Variants in ADGRA1 observed in about 807,000 individuals in gnomAD.
ADGRA1 encodes the protein adhesion G protein-coupled receptor A1.
ADGRA1 carries 12 observed loss-of-function variants against 21.3 expected under a neutral mutation model. That is an observed-to-expected ratio of 0.56 (90% CI 0.36 to 0.91). The LOEUF (loss-of-function observed/expected upper bound fraction) is 0.91, where lower values mean the gene tolerates loss of function less well. Ranked by LOEUF, ADGRA1 falls within the 40% of genes least tolerant of loss-of-function variation. The probability of loss-of-function intolerance (pLI) is 0.01; values close to 1 mark genes in which losing one functional copy is unlikely to be tolerated. For synonymous variants in ADGRA1, 385 were observed against 368.8 expected (o/e 1.04, Z -0.50); for missense variants, 790 against 805.6 (o/e 0.98, Z 0.23).
intron 5 of ADGRA1, among the ~76,000 whole-genome samples, chr10:133,126,583 G>A (rs564223909): frequency 6.6e-6 from 1 of 152,284 alleles, no homozygotes; most frequent in African/African-American, 2.4e-5. Flanking sequence ...AAGTGCACCC[G>A]GTCCGGGACA....
chr10:133,127,893 C>CCAGCT (rs1852411236), intron 6 of ADGRA1, among the ~76,000 whole-genome samples: 1 of 128,874 alleles, frequency 7.8e-6, no homozygotes, highest in African/African-American at 3.0e-5. Context: ...CCCCGCCCAC[C>CCAGCT]CCACGCTGGC....
chr10:133,092,042 T>G (rs1851604067), intron 2 of ADGRA1, among the ~76,000 whole-genome samples: 1 of 152,072 alleles, frequency 6.6e-6, no homozygotes, highest in African/African-American at 2.4e-5. Context: ...GACTCGGAGC[T>G]CTGAGTTGTT....
At chr10:133,127,110 T>A (rs1852389460) in intron 5 of ADGRA1, 123 bp from the exon 6 acceptor site, 1 of 564,782 alleles carries the variant, frequency 1.8e-6, no homozygotes, top group African/African-American at 2.0e-5. Flanking sequence ...GGGTTCTTGG[T>A]CTCCTCCTGC....
chr10:133,108,590 C>G (rs532478377), intron 5 of ADGRA1, among the ~76,000 whole-genome samples: 1 of 152,230 alleles, frequency 6.6e-6, no homozygotes, highest in East Asian at 1.9e-4. Context: ...CACCTTTGAC[C>G]AACATGGTGG....
chr10:133,095,803 C>T (rs778346974), intron 2 of ADGRA1: 1 of 1,596,182 alleles, frequency 6.3e-7, no homozygotes, highest in East Asian at 2.2e-5. Context: ...CTGCCCATGG[C>T]CCTTCCTGCA....
intron 5 of ADGRA1, among the ~76,000 whole-genome samples, chr10:133,112,017 A>G (rs77085481): frequency 0.12 from 2,720 of 22,548 alleles, 759 homozygotes; most frequent in African/African-American, 0.35. Flanking sequence ...TGCCCACCAC[A>G]GACACCTCCC....
chr10:133,092,912 G>A (rs1019567181), intron 2 of ADGRA1: 1 of 1,537,788 alleles, frequency 6.5e-7, no homozygotes, highest in African/African-American at 1.4e-5. Flanking sequence ...AGAAGGAGAA[G>A]GAGGACTGGA....
chr10:133,098,595 T>G (rs1299526160), intron 3 of ADGRA1, 45 bp from the exon 4 acceptor site: 1 of 1,578,040 alleles, frequency 6.3e-7, no homozygotes, highest in Non-Finnish European at 8.6e-7. Context: ...CGCCTCCCCC[T>G]GCAGAGCCTC....
intron 4 of ADGRA1, among the ~76,000 whole-genome samples, chr10:133,099,818 C>T (rs1426407448): frequency 3.9e-5 from 6 of 152,252 alleles, no homozygotes; most frequent in African/African-American, 1.2e-4. Flanking sequence ...GGGGCTGCCA[C>T]GGACTGCAGG....
intron 5 of ADGRA1, among the ~76,000 whole-genome samples, chr10:133,116,967 C>G (rs1177378768): frequency 6.6e-6 from 1 of 152,148 alleles, no homozygotes; most frequent in Non-Finnish European, 1.5e-5. Flanking sequence ...ACGCTTCTCA[C>G]CATCGCTGTC....
chr10:133,118,058 G>A (rs535318844), intron 5 of ADGRA1, among the ~76,000 whole-genome samples: 15 of 152,300 alleles, frequency 9.8e-5, no homozygotes, highest in Admixed American at 1.3e-4. Context: ...GGAGCTGGAC[G>A]TGTCCCCAAA....
rs565213244 is a variant in ADGRA1 at position 133,109,386 on chromosome 10, T to C, written c.401+6544T>C. Among the ~76,000 whole-genome samples the C allele has an allele frequency of 7.9e-5, 12 of 152,170 alleles. No individual in the cohort carries two copies. The South Asian group carries it at 2.3e-3, about 29-fold the overall frequency. On this transcript the variant is annotated intron_variant, in intron 5 of 6. Coordinates refer to ENST00000392607, the MANE Select transcript of ADGRA1 (RefSeq NM_001083909.3). ...CCTGCTCTGCCACCTCCACACCACC[T>C]GGATACTTTTTCTCCCCAGCTGGAA...
chr10:133,101,207 G>A (rs1315849698), intron 4 of ADGRA1, among the ~76,000 whole-genome samples: 2 of 152,120 alleles, frequency 1.3e-5, no homozygotes, highest in East Asian at 1.9e-4. Context: ...CTTCCCGCCT[G>A]CCCCGCCCTT....
intron 5 of ADGRA1, among the ~76,000 whole-genome samples, chr10:133,113,079 G>A (rs1307784033): frequency 2.8e-5 from 4 of 143,606 alleles, no homozygotes; most frequent in Non-Finnish European, 4.7e-5. Flanking sequence ...TGGGGTCTGC[G>A]GGCCGTGTCG....
chr10:133,128,990 C>T lies in ADGRA1; in HGVS notation c.1162C>T (p.His388Tyr). ...GGCCACCCCGTGCTGCGCCAAGATG[C>T]ACTGCGAGCCACTGACGGCGGACGA... ...SPATPCCAKMHCEPLTADEAH... is the reference protein window; with the variant it reads ...SPATPCCAKMYCEPLTADEAH... Residue 388 changes from histidine (H) to tyrosine (Y), a missense_variant, in exon 7 of 7, where the codon CAC becomes TAC. His to Tyr is a moderately conservative substitution (Grantham distance 83, BLOSUM62 2). Transcript: ENST00000392607. 2 of 1,564,008 alleles carry T rather than the reference C, an allele frequency of 1.3e-6. No individual in the cohort carries two copies. Among genetic ancestry groups the T allele is most frequent in the Non-Finnish European group, 8.7e-7 (1 of 1,155,222 alleles).
chr10:133,111,928 G>A (rs1190156149), intron 5 of ADGRA1, among the ~76,000 whole-genome samples: 767 of 11,410 alleles, frequency 0.067, 159 homozygotes, highest in East Asian at 0.23. Flanking sequence ...CCACCTGCCC[G>A]CCGTGAGCAC....
chr10:133,108,532 C>T (rs1402395654), intron 5 of ADGRA1, among the ~76,000 whole-genome samples: 1 of 152,108 alleles, frequency 6.6e-6, no homozygotes, highest in Non-Finnish European at 1.5e-5. Flanking sequence ...GGCACCGGCT[C>T]AGCCACCCAA....
rs919073355 is a variant in ADGRA1 at position 133,130,656 on chromosome 10, A to T, written c.*1145A>T. On this transcript the variant is annotated 3_prime_UTR_variant, in exon 7 of 7. Transcript: ENST00000392607. ...GTGACACATGTGCACCCACACACAC[A>T]CACACAAACACATGTGCATATCACA... 1 of 152,116 alleles carries T rather than the reference A, an allele frequency of 6.6e-6. No individual in the cohort carries two copies. The highest frequency in any genetic ancestry group is 1.5e-5 in the Non-Finnish European group (1 of 68,054). The allele number at this position is 152,116 out of a possible 1,614,324, so 9.4% of individuals were successfully genotyped here. A position where few individuals can be genotyped will look rare whatever the true frequency, so the allele number is the denominator to read the frequency against.
At chr10:133,101,658 C>T (rs1224340057) in intron 4 of ADGRA1, among the ~76,000 whole-genome samples, 1 of 152,226 alleles carries the variant, frequency 6.6e-6, no homozygotes, top group Admixed American at 6.5e-5. Context: ...TGGGGGCTGC[C>T]TCTGCCCTAC....
Sources: gnomAD v4.1 joint callset for allele counts (sites outside exome capture counted in the v4.1 genomes callset) on GRCh38, gnomAD v4.1.1 for gene constraint, MANE v1.5 for transcripts, NCBI Gene and HGNC (gene_info 2026-07-23, HGNC 2026-07-21) for gene names.